Variants in TMEM132C observed in about 807,000 individuals in gnomAD.
The protein encoded by TMEM132C is transmembrane protein 132C, also known as protein phosphatase 1, regulatory subunit 152.
In TMEM132C, 29 loss-of-function variants were observed where a neutral mutation model predicts 61.4. That is an observed-to-expected ratio of 0.47 (90% CI 0.35 to 0.64). TMEM132C has a LOEUF of 0.64. Among genes scored for constraint, TMEM132C ranks in the 30% least tolerant of loss-of-function variants. The pLI is 0.00. For missense variants in TMEM132C, 1,408 were observed against 1,476.9 expected (o/e 0.95, Z 0.76); for synonymous variants, 656 against 633.1 (o/e 1.04, Z -0.54).
In TMEM132C at chr12:128,326,449, C is replaced by A. The variant is rs1417077953; in HGVS notation, c.85+58962C>A. 6.6e-6 allele frequency among the ~76,000 whole-genome samples: 1 copy of A among 152,226 alleles called. No homozygotes were observed. The highest frequency in any genetic ancestry group is 2.4e-5 in the African/African-American group (1 of 41,468). Reference sequence around the variant, plus strand: ...GCTTATCCCCCTCTGGTTCAGATATCTTTGCAAAGGCAGATGTACAAATCA... The same window carrying A: ...GCTTATCCCCCTCTGGTTCAGATATATTTGCAAAGGCAGATGTACAAATCA... On this transcript the variant is annotated intron_variant, in intron 1 of 8. Transcript: ENST00000435159. This position sits in a 1 kb window ranked among gnomAD's most constrained non-coding sequence, Gnocchi z 5.6.
chr12:128,491,196 T>C (rs1043031310), intron 2 of TMEM132C, among the ~76,000 whole-genome samples: 1 of 152,166 alleles, frequency 6.6e-6, no homozygotes, highest in Non-Finnish European at 1.5e-5. Flanking sequence ...TTTGTTATCA[T>C]TGATAAGGAG....
rs548065415 is a variant in TMEM132C, at chr12:128,272,814, G to A, written c.85+5327G>A. ...AATTGCTGTCCTTATATTGTCTTTG[G>A]TGAAATATCTTTTTCAAATATTGTA... On this transcript the variant is annotated intron_variant, in intron 1 of 8. Coordinates refer to ENST00000435159, the MANE Select transcript of TMEM132C (RefSeq NM_001136103.3). 5.5e-4 allele frequency among the ~76,000 whole-genome samples: 83 copies of A among 152,048 alleles called. No homozygotes were observed. In the Middle Eastern group the frequency reaches 0.014, roughly 25 times the overall value.
At chr12:128,613,500 C>G (rs1328397346) in intron 3 of TMEM132C, among the ~76,000 whole-genome samples, 2 of 152,322 alleles carry the variant, frequency 1.3e-5, no homozygotes, top group South Asian at 2.1e-4. Context: ...AGTTTGGAAA[C>G]ACTCTAGACT....
intron 1 of TMEM132C, among the ~76,000 whole-genome samples, chr12:128,386,937 C>G (rs529109706): frequency 6.6e-6 from 1 of 151,716 alleles, no homozygotes; most frequent in Non-Finnish European, 1.5e-5. Flanking sequence ...GAGACCAACC[C>G]GGGCAACGTA....
At chr12:128,550,578 T>A (rs1874139937) in intron 3 of TMEM132C, among the ~76,000 whole-genome samples, 1 of 152,194 alleles carries the variant, frequency 6.6e-6, no homozygotes, top group Non-Finnish European at 1.5e-5. Context: ...GTGCTGAGAT[T>A]ACAGGTGTGA....
rs939579373 is a variant in TMEM132C, at chr12:128,532,378, C to T, written c.975-11579C>T. Among the ~76,000 whole-genome samples the T allele has an allele frequency of 4.0e-5, 6 of 151,812 alleles. No individual in the cohort carries two copies. The East Asian group carries it at 1.2e-3, about 29-fold the overall frequency. On this transcript the variant is annotated intron_variant, in intron 2 of 8. Transcript: ENST00000435159. ...AGGAGGCCGGGCGCAGTGGCTCACACCTGTAATCCCAGCATTTTGGGAGGC... is the reference window on the plus strand; with the variant it reads ...AGGAGGCCGGGCGCAGTGGCTCACATCTGTAATCCCAGCATTTTGGGAGGC...
intron 2 of TMEM132C, among the ~76,000 whole-genome samples, chr12:128,485,695 A>G (rs1871469443): frequency 6.6e-6 from 1 of 152,154 alleles, no homozygotes; most frequent in Non-Finnish European, 1.5e-5. Flanking sequence ...CAATGTCAGT[A>G]GTGCCGAGGC....
At position 128,392,410 on chromosome 12, in the gene TMEM132C, C is replaced by G. The variant is rs151152680; in HGVS notation, c.86-22322C>G. The stretch of plus-strand genomic sequence containing the variant: ...CAAATAACATTTGAGTGTGAGAGAG[C>G]CTGACCCCAGAACGTCATGGAGGAG... On this transcript the variant is annotated intron_variant, in intron 1 of 8. Transcript: ENST00000435159. Among the ~76,000 whole-genome samples, 945 of 152,264 alleles carry G rather than the reference C, an allele frequency of 6.2e-3. 8 individuals carry two copies. Among genetic ancestry groups the G allele is most frequent in the African/African-American group, 0.022 (900 of 41,534 alleles).
intron 1 of TMEM132C, among the ~76,000 whole-genome samples, chr12:128,386,982 A>C (rs779836038): frequency 6.6e-6 from 1 of 152,026 alleles, no homozygotes; most frequent in African/African-American, 2.4e-5. Flanking sequence ...ATAAAAATAC[A>C]TTAAAAAATT....
chr12:128,313,284 G>A (rs901055763), intron 1 of TMEM132C, among the ~76,000 whole-genome samples: 1 of 152,170 alleles, frequency 6.6e-6, no homozygotes. Flanking sequence ...CCTCATAACT[G>A]CTCATAAAGA....
intron 2 of TMEM132C, among the ~76,000 whole-genome samples, chr12:128,425,449 ACAG>A (rs1368502591): frequency 6.6e-6 from 1 of 152,254 alleles, no homozygotes; most frequent in African/African-American, 2.4e-5. Context: ...ATGGAAGCTG[ACAG>A]CAGAATCGCT....
At chr12:128,420,222 A>G (rs548995816) in intron 2 of TMEM132C, among the ~76,000 whole-genome samples, 1 of 152,252 alleles carries the variant, frequency 6.6e-6, no homozygotes, top group African/African-American at 2.4e-5. Context: ...ATAATTACCA[A>G]GTAAATACAA....
rs1593044923 is a variant in TMEM132C, at chr12:128,414,824, A to C, written c.178A>C (p.Thr60Pro). Residue 60 changes from threonine (T) to proline (P), a missense_variant, in exon 2 of 9, where the codon ACC (threonine) becomes CCC (proline). Thr to Pro is a conservative substitution (Grantham distance 38, BLOSUM62 -1). Coordinates refer to ENST00000435159, the MANE Select transcript of TMEM132C (RefSeq NM_001136103.3). The stretch of plus-strand genomic sequence containing the variant: ...GAGCTACCACATCCTCAGAGCAGAG[A>C]CCTCCTTCTTCCTCAAGGAAGCCAA... ...PVSYHILRAE[T>P]SFFLKEANQD... 6.5e-7 allele frequency: 1 copy of C among 1,545,882 alleles called. No individual in the cohort carries two copies. The highest frequency in any genetic ancestry group is 8.7e-7 in the Non-Finnish European group (1 of 1,146,934).
intron 3 of TMEM132C, among the ~76,000 whole-genome samples, chr12:128,588,004 G>A (rs921768594): frequency 7.2e-5 from 11 of 152,146 alleles, no homozygotes; most frequent in African/African-American, 2.7e-4. Context: ...ACTCAATCCG[G>A]GTCAGACTCT....
At chr12:128,625,341 G>A (rs1007631889) in intron 4 of TMEM132C, among the ~76,000 whole-genome samples, 1 of 152,194 alleles carries the variant, frequency 6.6e-6, no homozygotes, top group African/African-American at 2.4e-5. Flanking sequence ...CATAGACAGT[G>A]GCTTCTCACT....
chr12:128,306,036 T>C (rs920344224), intron 1 of TMEM132C, among the ~76,000 whole-genome samples: 4 of 152,190 alleles, frequency 2.6e-5, no homozygotes, highest in Admixed American at 1.3e-4. Context: ...TGAGTCTATA[T>C]TCATCCCGAT....
At chr12:128,310,828 G>A (rs534792742) in intron 1 of TMEM132C, among the ~76,000 whole-genome samples, 1 of 152,294 alleles carries the variant, frequency 6.6e-6, no homozygotes, top group South Asian at 2.1e-4. Flanking sequence ...GATTAGCAAG[G>A]TGATTGTAGT....
chr12:128,607,527 T>C (rs1049671756), intron 3 of TMEM132C, among the ~76,000 whole-genome samples: 2 of 152,058 alleles, frequency 1.3e-5, no homozygotes, highest in Non-Finnish European at 2.9e-5. Flanking sequence ...GTGAGCCAGG[T>C]AAGAGATGAT....
Position 128,415,422 on chromosome 12 carries a change from T to A in TMEM132C, c.776T>A (p.Leu259Gln). 6.4e-7 allele frequency: 1 copy of A among 1,551,636 alleles called. No individual in the cohort carries two copies. The highest frequency in any genetic ancestry group is 8.7e-7 in the Non-Finnish European group (1 of 1,146,908). ...GCCATCCGTCCAGGAAAGGATGGGCTGGAGGAAACCACGTCCCACCTGCAG... is the reference window on the plus strand; with the variant it reads ...GCCATCCGTCCAGGAAAGGATGGGCAGGAGGAAACCACGTCCCACCTGCAG... ...GNAIRPGKDGLEETTSHLQRI... is the reference protein window; with the variant it reads ...GNAIRPGKDGQEETTSHLQRI... The change falls in exon 2 of 9, where the codon CTG becomes CAG. Residue 259 changes from leucine (L) to glutamine (Q), a missense_variant. Physicochemically the swap from Leu to Gln is moderately radical, Grantham distance 113. Transcript: ENST00000435159. This position sits in a 1 kb window ranked among gnomAD's most constrained non-coding sequence, Gnocchi z 5.8.
Sources: gnomAD v4.1 joint callset for allele counts (sites outside exome capture counted in the v4.1 genomes callset) on GRCh38, gnomAD v4.1.1 for gene constraint, Gnocchi (gnomAD v3.1) non-coding constraint, MANE v1.5 for transcripts, NCBI Gene and HGNC (gene_info 2026-07-23, HGNC 2026-07-21) for gene names.